Variants in C8orf34 observed in about 807,000 individuals in gnomAD.
C8orf34 encodes the protein chromosome 8 open reading frame 34, also known as uncharacterized protein C8orf34.
In C8orf34, 65 loss-of-function variants were observed where a neutral mutation model predicts 68.3. The observed-to-expected ratio is 0.95, with a 90% confidence interval of 0.78 to 1.17. The LOEUF (loss-of-function observed/expected upper bound fraction) is 1.17, where lower values mean the gene tolerates loss of function less well. Among genes scored for constraint, C8orf34 ranks in the 50% most tolerant of loss-of-function variants. The pLI, the probability that C8orf34 is intolerant of heterozygous loss-of-function variation, is 0.00. For synonymous variants in C8orf34, 244 were observed against 241.2 expected, an observed-to-expected ratio of 1.01 and a Z score of -0.11; for missense variants, 664 against 655.4, an observed-to-expected ratio of 1.01 and a Z score of -0.14.
chr8:68,661,035 G>A (rs1165713395), intron 8 of C8orf34, among the ~76,000 whole-genome samples: 1 of 152,170 alleles, frequency 6.6e-6, no homozygotes, highest in African/African-American at 2.4e-5. Context: ...TGGCTTGGCT[G>A]GGGGAGGAAA....
intron 7 of C8orf34, among the ~76,000 whole-genome samples, chr8:68,618,719 G>T (rs1818302342): frequency 6.6e-6 from 1 of 152,004 alleles, no homozygotes; most frequent in South Asian, 2.1e-4. Context: ...ATGAATCTAA[G>T]AACTATAAAA....
At chr8:68,349,830 T>C (rs182591604) in intron 1 of C8orf34, among the ~76,000 whole-genome samples, 1 of 151,734 alleles carries the variant, frequency 6.6e-6, no homozygotes, top group African/African-American at 2.4e-5. Flanking sequence ...TTTCTTATTA[T>C]GTTTGTTTGG....
chr8:68,464,644 T>C (rs956770132), intron 3 of C8orf34, among the ~76,000 whole-genome samples: 7 of 151,990 alleles, frequency 4.6e-5, no homozygotes, highest in South Asian at 2.1e-4. Context: ...GAAATAACAC[T>C]GCATATCTAC....
At chr8:68,680,408 G>A (rs532056317) in intron 8 of C8orf34, among the ~76,000 whole-genome samples, 5 of 152,298 alleles carry the variant, frequency 3.3e-5, no homozygotes, top group African/African-American at 4.8e-5. Flanking sequence ...GAGAAATAAA[G>A]AGAAAGAGTG....
chr8:68,444,690 T>G (rs1811049650), intron 2 of C8orf34, among the ~76,000 whole-genome samples: 1 of 152,178 alleles, frequency 6.6e-6, no homozygotes, highest in South Asian at 2.1e-4. Flanking sequence ...TCTGCAAAAT[T>G]GATGCATGAC....
At chr8:68,360,752 C>CTTT (rs1319672272) in intron 1 of C8orf34, among the ~76,000 whole-genome samples, 4,427 of 143,966 alleles carry the variant, frequency 0.031, 229 homozygotes, top group African/African-American at 0.11. Context: ...CCTTTTCTTC[C>CTTT]TTTCTTTTTT....
chr8:68,591,038 T>A (rs1419080909), intron 7 of C8orf34, among the ~76,000 whole-genome samples: 1 of 152,124 alleles, frequency 6.6e-6, no homozygotes, highest in East Asian at 1.9e-4. Context: ...GAGAAACCTA[T>A]GTCGATTTGA....
chr8:68,506,147 C>A (rs1405678528), intron 5 of C8orf34, among the ~76,000 whole-genome samples: 1 of 152,118 alleles, frequency 6.6e-6, no homozygotes, highest in East Asian at 1.9e-4. Flanking sequence ...TGCACACACA[C>A]ACACTCAGAT....
rs570277744 is a variant in C8orf34 at position 68,716,262 on chromosome 8, A to G, written c.1328-5099A>G. Among the ~76,000 whole-genome samples the G allele has an allele frequency of 2.0e-5, 3 of 152,226 alleles. No homozygotes were observed. In the South Asian group the frequency reaches 6.2e-4, roughly 32 times the overall value. On this transcript the variant is annotated intron_variant, in intron 9 of 13. Coordinates refer to ENST00000518698, the MANE Select transcript of C8orf34 (RefSeq NM_052958.4). ...ACCAAAATCTCAGAAATCACCATTA[A>G]ATAACTTATTCATGTAACCAAACAC...
chr8:68,351,145 G>A (rs1020992799), intron 1 of C8orf34, among the ~76,000 whole-genome samples: 1 of 151,980 alleles, frequency 6.6e-6, no homozygotes, highest in Non-Finnish European at 1.5e-5. Flanking sequence ...CTCTTGTAAG[G>A]CAGGTCTGGT....
chr8:68,351,251 G>T (rs1280475449), intron 1 of C8orf34, among the ~76,000 whole-genome samples: 1 of 151,984 alleles, frequency 6.6e-6, no homozygotes, highest in African/African-American at 2.4e-5. Context: ...ATTCTTGGTT[G>T]AATAATTTTT....
At chr8:68,785,639 C>CT (rs1269358484) in intron 11 of C8orf34, among the ~76,000 whole-genome samples, 1 of 152,148 alleles carries the variant, frequency 6.6e-6, no homozygotes, top group Non-Finnish European at 1.5e-5. Context: ...TATGTTCTTT[C>CT]TTTTTTGATA....
intron 1 of C8orf34, among the ~76,000 whole-genome samples, chr8:68,387,873 A>G (rs1042058665): frequency 2.0e-5 from 3 of 152,228 alleles, no homozygotes; most frequent in Non-Finnish European, 4.4e-5. Context: ...TTGATAAATA[A>G]TGTTATTTCC....
chr8:68,770,410 T>A (rs908531429), intron 10 of C8orf34, among the ~76,000 whole-genome samples: 1 of 152,252 alleles, frequency 6.6e-6, no homozygotes, highest in Non-Finnish European at 1.5e-5. Context: ...TTAGGGAACA[T>A]ACATGTTGGC....
intron 7 of C8orf34, among the ~76,000 whole-genome samples, chr8:68,538,644 G>A (rs1317746359): frequency 2.6e-5 from 4 of 151,868 alleles, no homozygotes; most frequent in Non-Finnish European, 5.9e-5. Flanking sequence ...CCTAAAAACA[G>A]CAAAAATGTA....
intron 3 of C8orf34, among the ~76,000 whole-genome samples, chr8:68,449,285 A>G (rs1238487550): frequency 6.6e-6 from 1 of 152,134 alleles, no homozygotes; most frequent in Non-Finnish European, 1.5e-5. Context: ...TTTTTTTTAC[A>G]TAAAATTAAC....
In C8orf34 at chr8:68,625,621, T is replaced by C. The variant is rs1025039107; in HGVS notation, c.1106-14755T>C. ...TGTGTCAGACAGGGAGGCAACATCC[T>C]GTGGCATGTGGCTTGCATCTCAGCG... is the stretch of plus-strand genomic sequence containing the variant. On this transcript the variant is annotated intron_variant, in intron 7 of 13. Transcript: ENST00000518698. 4.0e-5 allele frequency: 28 copies of C among 701,886 alleles called. No individual in the cohort carries two copies. In the African/African-American group the frequency reaches 4.2e-4, roughly 11 times the overall value. The allele number at this position is 701,886 out of a possible 1,614,324, so 43.5% of individuals were successfully genotyped here.
At chr8:68,807,630 T>A (rs1824524824) in intron 12 of C8orf34, among the ~76,000 whole-genome samples, 1 of 152,176 alleles carries the variant, frequency 6.6e-6, no homozygotes, top group Non-Finnish European at 1.5e-5. Flanking sequence ...TTGGTGTTTT[T>A]TCTTGGCTTT....
chr8:68,581,092 T>G (rs1462522028), intron 7 of C8orf34, among the ~76,000 whole-genome samples: 1 of 152,112 alleles, frequency 6.6e-6, no homozygotes, highest in Non-Finnish European at 1.5e-5. Flanking sequence ...GAGAAATGCA[T>G]ATACATTTAT....
Sources: allele counts gnomAD v4.1 joint callset (sites outside exome capture counted in the v4.1 genomes callset), GRCh38; gene constraint gnomAD v4.1.1; transcripts MANE v1.5; gene names NCBI Gene and HGNC (gene_info 2026-07-23, HGNC 2026-07-21).